The following ZFYVE28 variants were observed in gnomAD, a reference collection of about 807,000 sequenced individuals.
The protein encoded by ZFYVE28 is zinc finger FYVE-type containing 28.
Under a neutral mutation model 82.1 loss-of-function variants are expected in ZFYVE28, and 40 were observed. That is an observed-to-expected ratio of 0.49 (90% confidence interval 0.38 to 0.63). The LOEUF (loss-of-function observed/expected upper bound fraction) is 0.63. Ranked by LOEUF, ZFYVE28 falls within the 30% of genes least tolerant of loss-of-function variation. ZFYVE28 has a pLI of 0.00. For synonymous variants in ZFYVE28, 612 were observed against 546.1 expected, an observed-to-expected ratio of 1.12 and a Z score of -1.68; for missense variants, 1,321 against 1,242.1, an observed-to-expected ratio of 1.06 and a Z score of -0.96.
At chr4:2,379,538 C>A (rs529192715) in intron 1 of ZFYVE28, among the ~76,000 whole-genome samples, 4 of 152,160 alleles carry the variant, frequency 2.6e-5, no homozygotes, top group African/African-American at 4.8e-5. Context: ...CACTCCTGGA[C>A]GACAAATCGC....
chr4:2,364,142 C>T (rs1726535332), intron 1 of ZFYVE28, among the ~76,000 whole-genome samples: 1 of 152,192 alleles, frequency 6.6e-6, no homozygotes, highest in South Asian at 2.1e-4. Context: ...GGCCTTCTGG[C>T]CCAGTGGGGC....
intron 1 of ZFYVE28, among the ~76,000 whole-genome samples, chr4:2,383,069 C>T (rs1728890255): frequency 6.6e-6 from 1 of 152,058 alleles, no homozygotes; most frequent in Non-Finnish European, 1.5e-5. Context: ...ATTCAAGTTG[C>T]GACTTTGGCG....
intron 7 of ZFYVE28, among the ~76,000 whole-genome samples, chr4:2,316,839 C>A (rs905487887): frequency 6.6e-6 from 1 of 151,644 alleles, no homozygotes; most frequent in Non-Finnish European, 1.5e-5. Flanking sequence ...ACTACAGGTG[C>A]GCACCACCAT....
At chr4:2,319,752 G>A (rs1272303531) in intron 7 of ZFYVE28, among the ~76,000 whole-genome samples, 1 of 151,700 alleles carries the variant, frequency 6.6e-6, no homozygotes, top group African/African-American at 2.4e-5. Context: ...AAAGACAAAG[G>A]GCACAGGTGG....
chr4:2,303,280 G>A (rs915116714), intron 8 of ZFYVE28, among the ~76,000 whole-genome samples: 6 of 152,150 alleles, frequency 3.9e-5, no homozygotes, highest in South Asian at 2.1e-4. Flanking sequence ...AGAAGGAGGC[G>A]TCTGCCCGCC....
chr4:2,416,201 AG>A lies in ZFYVE28; in HGVS notation c.39+2083del, dbSNP rs1425062462. ...ATTCCTAATTCTCAGGACAACGTCT[AG>A]TACCATGTTCTACCTTTAACCTGTC... is the stretch of plus-strand genomic sequence containing the variant. On this transcript the variant is annotated intron_variant, in intron 1 of 12. Coordinates refer to ENST00000290974, the MANE Select transcript of ZFYVE28 (RefSeq NM_020972.3). The surrounding 1 kb of genome is among the most constrained non-coding windows in gnomAD (Gnocchi z 4.6). Among the ~76,000 whole-genome samples the A allele has an allele frequency of 6.6e-6, 1 of 152,256 alleles. No homozygotes were observed. Among genetic ancestry groups the A allele is most frequent in the Admixed American group, 6.5e-5 (1 of 15,290 alleles).
In ZFYVE28 at chr4:2,330,568, G is replaced by A. The variant is rs953958645; in HGVS notation, c.701+5137C>T. 12 of 1,199,830 alleles carry A rather than the reference G, an allele frequency of 1.0e-5. No individual in the cohort carries two copies. The African/African-American group carries it at 1.6e-4, about 16-fold the overall frequency. The allele number at this position is 1,199,830 out of a possible 1,614,324, so 74.3% of individuals were successfully genotyped here. A position where few individuals can be genotyped will look rare whatever the true frequency, so the allele number is the denominator to read the frequency against. Reference sequence around the variant, plus strand: ...TGGAGGAGGGGACAGCATGGAGAATGGGATAGCATGGAGAATGGGATAGCA... The same window carrying A: ...TGGAGGAGGGGACAGCATGGAGAATAGGATAGCATGGAGAATGGGATAGCA... On this transcript the variant is annotated intron_variant, in intron 6 of 12. Coordinates refer to ENST00000290974, the MANE Select transcript of ZFYVE28 (RefSeq NM_020972.3).
At chr4:2,302,836 G>A (rs1027077565) in intron 8 of ZFYVE28, among the ~76,000 whole-genome samples, 11 of 152,218 alleles carry the variant, frequency 7.2e-5, no homozygotes, top group African/African-American at 2.2e-4. Flanking sequence ...CAGACGTTAC[G>A]TCTGGTGGAC....
Position 2,300,803 on chromosome 4 carries a change from G to A in ZFYVE28, c.2051+3486C>T, listed in dbSNP as rs189385070. ...AGACTGGAAGCCGTGAATCAAGGCC[G>A]TGCCCACTGTTCCCTCTGAACCGTC... On this transcript the variant is annotated intron_variant, in intron 8 of 12. Transcript: ENST00000290974. This position sits in a 1 kb window ranked among gnomAD's most constrained non-coding sequence, Gnocchi z 4.6. Among the ~76,000 whole-genome samples the A allele has an allele frequency of 2.6e-5, 4 of 152,280 alleles. No individual in the cohort carries two copies. The highest frequency in any genetic ancestry group is 1.3e-4 in the Admixed American group (2 of 15,298).
chr4:2,350,858 A>C (rs1724324946), intron 2 of ZFYVE28, among the ~76,000 whole-genome samples: 1 of 152,240 alleles, frequency 6.6e-6, no homozygotes, highest in South Asian at 2.1e-4. Flanking sequence ...GGCACACCCC[A>C]ACTCCACGGG....
At chr4:2,298,476 A>G (rs1266425048) in intron 8 of ZFYVE28, among the ~76,000 whole-genome samples, 1 of 152,196 alleles carries the variant, frequency 6.6e-6, no homozygotes, top group African/African-American at 2.4e-5. Context: ...TAAAAGGGAT[A>G]TCCCTCAGTG....
At chr4:2,305,938 T>C (rs1025770605) in intron 7 of ZFYVE28, among the ~76,000 whole-genome samples, 1 of 152,236 alleles carries the variant, frequency 6.6e-6, no homozygotes, top group Non-Finnish European at 1.5e-5. Flanking sequence ...GGGCACTGGC[T>C]ATGCAGCAGG....
chr4:2,284,306 C>G (rs1247876496), intron 8 of ZFYVE28, among the ~76,000 whole-genome samples: 7 of 152,192 alleles, frequency 4.6e-5, no homozygotes, highest in African/African-American at 1.2e-4. Context: ...ACTGTAACCT[C>G]AAGCTCCGGG....
At chr4:2,379,547 G>A (rs549258362) in intron 1 of ZFYVE28, among the ~76,000 whole-genome samples, 3 of 152,102 alleles carry the variant, frequency 2.0e-5, no homozygotes, top group East Asian at 1.9e-4. Flanking sequence ...ACGACAAATC[G>A]CCCCCATCTG....
At chr4:2,305,597 C>T in intron 7 of ZFYVE28, 61 bp from the exon 8 acceptor site, 1 of 1,597,876 alleles carries the variant, frequency 6.3e-7, no homozygotes, top group Non-Finnish European at 8.5e-7. Flanking sequence ...CCTCCTTGGC[C>T]AGGAGTGGAC....
Position 2,301,326 on chromosome 4 carries a change from C to T in ZFYVE28, c.2051+2963G>A, listed in dbSNP as rs562773824. ...GGGACAGCTGCCATGTGCTGCCGCC[C>T]GCTGACCTGATTTCCAGCTACCTCC... is the stretch of plus-strand genomic sequence containing the variant. On this transcript the variant is annotated intron_variant, in intron 8 of 12. Transcript: ENST00000290974. Among the ~76,000 whole-genome samples the T allele has an allele frequency of 3.9e-5, 6 of 152,308 alleles. No homozygotes were observed. In the East Asian group the frequency reaches 9.7e-4, roughly 25 times the overall value.
rs185639001 is a variant in ZFYVE28, at chr4:2,330,933, C to T, written c.701+4772G>A. On this transcript the variant is annotated intron_variant, in intron 6 of 12. Transcript: ENST00000290974. Reference sequence around the variant, plus strand: ...GGTCTGAGCAGGGCAGAGATGACACCTTGTTTTGACACAGGTGGATGGGTG... The same window carrying T: ...GGTCTGAGCAGGGCAGAGATGACACTTTGTTTTGACACAGGTGGATGGGTG... 456 of 1,534,838 alleles carry T rather than the reference C, an allele frequency of 3.0e-4. 3 individuals carry two copies. In the African/African-American group the frequency reaches 5.8e-3, roughly 20 times the overall value.
chr4:2,277,774 A>G (rs1736605842), intron 8 of ZFYVE28, among the ~76,000 whole-genome samples: 1 of 152,254 alleles, frequency 6.6e-6, no homozygotes, highest in Admixed American at 6.5e-5. Context: ...ATCGATCTAC[A>G]GATTCAATGC....
intron 1 of ZFYVE28, among the ~76,000 whole-genome samples, chr4:2,377,925 CT>C: frequency 6.6e-6 from 1 of 152,220 alleles, no homozygotes; most frequent in Non-Finnish European, 1.5e-5. Flanking sequence ...ATGGTAGAGC[CT>C]GTTGCTCCTG....
Sources: gnomAD v4.1 joint callset for allele counts (sites outside exome capture counted in the v4.1 genomes callset) on GRCh38, gnomAD v4.1.1 for gene constraint, Gnocchi (gnomAD v3.1) non-coding constraint, MANE v1.5 for transcripts, NCBI Gene and HGNC (gene_info 2026-07-23, HGNC 2026-07-21) for gene names.